RNF24: variants seen among roughly 807,000 people sequenced by gnomAD.
RNF24 encodes the protein ring finger protein 24.
A neutral mutation model predicts 20.0 loss-of-function variants in RNF24; 14 were observed. That is an observed-to-expected ratio of 0.70 (90% CI 0.46 to 1.10). The LOEUF (loss-of-function observed/expected upper bound fraction) is 1.10, where lower values mean the gene tolerates loss of function less well. Ranked by LOEUF, RNF24 falls within the 50% of genes least tolerant of loss-of-function variation. The pLI is 0.00. For missense variants in RNF24, 124 were observed against 177.6 expected, an observed-to-expected ratio of 0.70 and a Z score of 1.71; for synonymous variants, 45 against 61.1, an observed-to-expected ratio of 0.74 and a Z score of 1.23.
At chr20:3,983,509 A>T (rs2147031883) in intron 1 of RNF24, among the ~76,000 whole-genome samples, 1 of 152,312 alleles carries the variant, frequency 6.6e-6, no homozygotes, top group South Asian at 2.1e-4. Context: ...ATAAATCTTA[A>T]TAAAGCACCC....
chr20:4,001,324 G>T (rs1385551259), intron 1 of RNF24, among the ~76,000 whole-genome samples: 1 of 151,692 alleles, frequency 6.6e-6, no homozygotes, highest in Non-Finnish European at 1.5e-5. Context: ...CAAATTACAG[G>T]AACTTTTAAG....
chr20:3,933,479 T>G lies in RNF24; in HGVS notation c.*584A>C, dbSNP rs148471940. ...CATGTTTTCAGCTTAGATGATTTGA[T>G]AGCAGGTGTTGTAATCCTGAGGGGG... is the stretch of plus-strand genomic sequence containing the variant. On this transcript the variant is annotated 3_prime_UTR_variant, in exon 6 of 6. Transcript: ENST00000358395. The G allele has an allele frequency of 2.4e-5, 7 of 285,802 alleles. No individual in the cohort carries two copies. The highest frequency in any genetic ancestry group is 1.6e-4 in the Admixed American group (3 of 19,246). 17.7% of individuals were successfully genotyped at this position (285,802 alleles called of 1,614,324 possible).
chr20:3,949,155 G>A lies in RNF24; in HGVS notation c.144-876C>T, dbSNP rs534829151. 1.0e-3 allele frequency among the ~76,000 whole-genome samples: 158 copies of A among 152,340 alleles called. 3 individuals carry two copies. The highest frequency in any genetic ancestry group is 9.6e-4 in the East Asian group (5 of 5,192). Reference sequence around the variant, plus strand: ...AGCACTTTGGGAGGCCGCGGCAGGCGGATGGCCTGAGGTCAAGAGTTTGAG... The same window carrying A: ...AGCACTTTGGGAGGCCGCGGCAGGCAGATGGCCTGAGGTCAAGAGTTTGAG... On this transcript the variant is annotated intron_variant, in intron 2 of 5. Transcript: ENST00000358395.
Position 3,945,214 on chromosome 20 carries a change from A to G in RNF24, c.191T>C (p.Ile64Thr). The change falls in exon 4 of 6, where the codon ATA becomes ACA. Residue 64 changes from isoleucine (I) to threonine (T), a missense_variant. Coordinates refer to ENST00000358395, the MANE Select transcript of RNF24 (RefSeq NM_001134337.3). ...HKEFYAYKQVILKEKVKELNL... is the reference protein window; with the variant it reads ...HKEFYAYKQVTLKEKVKELNL... Reference sequence around the variant, plus strand: ...CAATTCTTTTACTTTCTCTTTTAATATAACCTGTAAGACAAAAAAGTATGT... The same window carrying G: ...CAATTCTTTTACTTTCTCTTTTAATGTAACCTGTAAGACAAAAAAGTATGT... The G allele has an allele frequency of 6.3e-7, 1 of 1,593,286 alleles. No individual in the cohort carries two copies.
intron 4 of RNF24, among the ~76,000 whole-genome samples, chr20:3,943,552 T>C (rs866210572): frequency 6.6e-6 from 1 of 152,216 alleles, no homozygotes; most frequent in Non-Finnish European, 1.5e-5. Context: ...GGCTATTTGA[T>C]TTTTGAAAAA....
chr20:3,946,237 T>C, intron 3 of RNF24, among the ~76,000 whole-genome samples: 1 of 151,978 alleles, frequency 6.6e-6, no homozygotes, highest in Non-Finnish European at 1.5e-5. Flanking sequence ...GAGGCCGAGG[T>C]GGGCGGACTG....
At chr20:3,967,749 A>T (rs988285552) in intron 1 of RNF24, among the ~76,000 whole-genome samples, 4 of 152,038 alleles carry the variant, frequency 2.6e-5, no homozygotes, top group African/African-American at 9.7e-5. Context: ...TAATCCCAGC[A>T]CTTTGGGAGG....
In RNF24 at chr20:3,974,260, A is replaced by G. The variant is rs1388838791; in HGVS notation, c.-7-10236T>C. 5 of 1,501,668 alleles carry G rather than the reference A, an allele frequency of 3.3e-6. No homozygotes were observed. In the African/African-American group the frequency reaches 5.6e-5, roughly 17 times the overall value. 93.0% of individuals were successfully genotyped at this position (1,501,668 alleles called of 1,614,324 possible). On this transcript the variant is annotated intron_variant, in intron 1 of 5. Transcript: ENST00000358395. The stretch of plus-strand genomic sequence containing the variant: ...CATCTACAAAAAACAAACCGGCAAA[A>G]ACCAACCAAACAATAACAACAAAAA...
intron 1 of RNF24, among the ~76,000 whole-genome samples, chr20:3,990,416 G>A (rs937572984): frequency 6.6e-6 from 1 of 152,174 alleles, no homozygotes; most frequent in Non-Finnish European, 1.5e-5. Context: ...TTATCTTTCA[G>A]ATGTACTTGC....
At chr20:3,981,506 T>A (rs1387769426) in intron 1 of RNF24, among the ~76,000 whole-genome samples, 2 of 151,202 alleles carry the variant, frequency 1.3e-5, no homozygotes, top group Non-Finnish European at 2.9e-5. Context: ...TGGAGTCACT[T>A]TTTTTCTTTT....
At chr20:3,992,082 C>A (rs1208778568) in intron 1 of RNF24, among the ~76,000 whole-genome samples, 3 of 152,152 alleles carry the variant, frequency 2.0e-5, no homozygotes, top group African/African-American at 7.2e-5. Flanking sequence ...TCCAGTGTAG[C>A]AATACAATAC....
intron 1 of RNF24, among the ~76,000 whole-genome samples, chr20:4,002,364 C>A (rs1981482436): frequency 6.6e-6 from 1 of 152,026 alleles, no homozygotes; most frequent in Non-Finnish European, 1.5e-5. Context: ...CCAGCCTGGG[C>A]AACAGAGCAA....
At chr20:3,959,886 G>C (rs2091182990) in intron 2 of RNF24, among the ~76,000 whole-genome samples, 1 of 152,140 alleles carries the variant, frequency 6.6e-6, no homozygotes, top group Non-Finnish European at 1.5e-5. Context: ...ACGATTCTGA[G>C]TGTTTGAGAT....
chr20:3,946,999 T>C (rs1298333120), intron 3 of RNF24, among the ~76,000 whole-genome samples: 1 of 152,178 alleles, frequency 6.6e-6, no homozygotes, highest in Non-Finnish European at 1.5e-5. Context: ...AAGACCATCC[T>C]GGCCAACATG....
At chr20:4,000,527 A>G (rs1468544991) in intron 1 of RNF24, among the ~76,000 whole-genome samples, 1 of 151,236 alleles carries the variant, frequency 6.6e-6, no homozygotes, top group African/African-American at 2.4e-5. Context: ...CTCTGTCTCA[A>G]AAAAAAAAAT....
rs1199880386 is a variant in RNF24, at chr20:3,935,056, T to C, written c.246A>G (p.Leu82=). Residue 82 remains leucine (L), a synonymous_variant, in exon 5 of 6, where the codon CTA becomes CTG. Coordinates refer to ENST00000358395, the MANE Select transcript of RNF24 (RefSeq NM_001134337.3). ...ACTCATCTCGAGGCTTGAAGTCTTC[T>C]AGGCACACTGCACAGAGCTGAAAGA... ...LNLHELCAVC[L]EDFKPRDELG... is the part of the protein sequence containing the mutation. The C allele has an allele frequency of 6.2e-7, 1 of 1,614,006 alleles. No individual in the cohort carries two copies.
intron 2 of RNF24, among the ~76,000 whole-genome samples, chr20:3,960,207 G>A (rs1006325591): frequency 1.3e-5 from 2 of 152,114 alleles, no homozygotes; most frequent in Non-Finnish European, 2.9e-5. Context: ...GGAAGGTGCT[G>A]GAGAGCTTAG....
chr20:4,000,191 A>C (rs1334215762), intron 1 of RNF24, among the ~76,000 whole-genome samples: 2 of 152,258 alleles, frequency 1.3e-5, no homozygotes, highest in Non-Finnish European at 2.9e-5. Context: ...AGCTGTTAAA[A>C]AAAGGCAAAA....
intron 1 of RNF24, among the ~76,000 whole-genome samples, chr20:4,008,530 T>A (rs1188207815): frequency 1.7e-5 from 2 of 118,990 alleles, no homozygotes; most frequent in East Asian, 4.1e-4. Context: ...ATATATATAT[T>A]ATTTATATAT....
Sources: gnomAD v4.1 joint callset for allele counts (sites outside exome capture counted in the v4.1 genomes callset) on GRCh38, gnomAD v4.1.1 for gene constraint, MANE v1.5 for transcripts, NCBI Gene and HGNC (gene_info 2026-07-23, HGNC 2026-07-21) for gene names.